Variants in ITGBL1 observed in about 807,000 individuals in gnomAD.
The protein encoded by ITGBL1 is integrin beta-like protein 1.
A neutral mutation model predicts 68.5 loss-of-function variants in ITGBL1; 51 were observed. That is an observed-to-expected ratio of 0.74 (90% CI 0.59 to 0.94). The LOEUF (loss-of-function observed/expected upper bound fraction) is 0.94, where lower values mean the gene tolerates loss of function less well. Ranked by LOEUF, ITGBL1 falls within the 40% of genes least tolerant of loss-of-function variation. The probability of loss-of-function intolerance (pLI) is 0.00; values close to 1 mark genes in which losing one functional copy is unlikely to be tolerated. For missense variants in ITGBL1, 649 were observed against 647.4 expected, an observed-to-expected ratio of 1.00 and a Z score of -0.03; for synonymous variants, 209 against 227.3, an observed-to-expected ratio of 0.92 and a Z score of 0.72.
intron 3 of ITGBL1, among the ~76,000 whole-genome samples, chr13:101,574,544 T>C (rs1019822826): frequency 3.9e-5 from 6 of 152,132 alleles, no homozygotes; most frequent in African/African-American, 1.2e-4. Flanking sequence ...TTGATTCCCG[T>C]TGGATTTTCA....
chr13:101,476,515 T>A lies in ITGBL1; in HGVS notation c.316+22415T>A, dbSNP rs550783974. ...ATAATAATATTGAATATAAATGGAC[T>A]AAACTCTCTAATCAAAAGACATGGA... On this transcript the variant is annotated intron_variant, in intron 2 of 10. Coordinates refer to ENST00000376180, the MANE Select transcript of ITGBL1 (RefSeq NM_004791.3). Among the ~76,000 whole-genome samples, 24 of 152,172 alleles carry A rather than the reference T, an allele frequency of 1.6e-4. No individual in the cohort carries two copies. The South Asian group carries it at 5.0e-3, about 32-fold the overall frequency.
chr13:101,648,532 A>C (rs984322049), intron 7 of ITGBL1, among the ~76,000 whole-genome samples: 1 of 152,206 alleles, frequency 6.6e-6, no homozygotes, highest in Non-Finnish European at 1.5e-5. Context: ...ACTTGTATTC[A>C]TCATTGTTTT....
At chr13:101,539,776 T>G (rs1023756771) in intron 2 of ITGBL1, among the ~76,000 whole-genome samples, 2 of 151,894 alleles carry the variant, frequency 1.3e-5, no homozygotes, top group African/African-American at 4.8e-5. Flanking sequence ...TCATTGTGGT[T>G]TTGATTTGCA....
At chr13:101,690,699 AATAG>A (rs1363732201) in intron 7 of ITGBL1, among the ~76,000 whole-genome samples, 1 of 152,116 alleles carries the variant, frequency 6.6e-6, no homozygotes, top group Non-Finnish European at 1.5e-5. Flanking sequence ...CAACACTACT[AATAG>A]ATAGAGAGCT....
intron 2 of ITGBL1, among the ~76,000 whole-genome samples, chr13:101,566,580 C>G (rs947705063): frequency 2.0e-5 from 3 of 152,112 alleles, no homozygotes; most frequent in African/African-American, 7.2e-5. Flanking sequence ...AAAGTCACAG[C>G]CAATCACAGA....
intron 2 of ITGBL1, among the ~76,000 whole-genome samples, chr13:101,522,756 T>G (rs577741636): frequency 1.8e-4 from 27 of 152,296 alleles, no homozygotes; most frequent in African/African-American, 6.0e-4. Flanking sequence ...TTATTTGCCT[T>G]TGATAAAAAT....
intron 2 of ITGBL1, among the ~76,000 whole-genome samples, chr13:101,505,940 A>G (rs1566706097): frequency 6.6e-6 from 1 of 152,222 alleles, no homozygotes; most frequent in Non-Finnish European, 1.5e-5. Context: ...TTGCTTCAGC[A>G]GCAGAGCACC....
chr13:101,687,719 GA>G (rs1021013461), intron 7 of ITGBL1, among the ~76,000 whole-genome samples: 12 of 152,062 alleles, frequency 7.9e-5, no homozygotes, highest in Non-Finnish European at 1.5e-4. Flanking sequence ...AACTTAATAA[GA>G]GTAGGCAGAC....
In ITGBL1 at chr13:101,585,211, T is replaced by C. The variant is rs570835538; in HGVS notation, c.868+1855T>C. On this transcript the variant is annotated intron_variant, in intron 6 of 10. Coordinates refer to ENST00000376180, the MANE Select transcript of ITGBL1 (RefSeq NM_004791.3). ...TTTCTAGTCTGAGTGTCTGGGAAAA[T>C]GTTGGTGCCATTTACTGAAATAGGG... Among the ~76,000 whole-genome samples, 6 of 152,056 alleles carry C rather than the reference T, an allele frequency of 3.9e-5. No individual in the cohort carries two copies. The East Asian group carries it at 7.7e-4, about 20-fold the overall frequency.
At chr13:101,671,447 G>GTTTTTTTTTTTTTTTTTTT (rs1313845131) in intron 7 of ITGBL1, among the ~76,000 whole-genome samples, 1 of 103,628 alleles carries the variant, frequency 9.6e-6, no homozygotes. Flanking sequence ...GTTTTTTTTT[G>GTTTTTTTTTTTTTTTTTTT]TTTTTTTTTG....
chr13:101,665,255 T>C (rs928772817), intron 7 of ITGBL1, among the ~76,000 whole-genome samples: 3 of 152,210 alleles, frequency 2.0e-5, no homozygotes, highest in Admixed American at 6.5e-5. Flanking sequence ...ATTGACAGCA[T>C]TGATGTTCTA....
intron 2 of ITGBL1, among the ~76,000 whole-genome samples, chr13:101,474,684 C>T (rs1300311946): frequency 1.3e-5 from 2 of 152,120 alleles, no homozygotes; most frequent in African/African-American, 4.8e-5. Flanking sequence ...AACAGGGGTG[C>T]TTGTGTTACC....
At chr13:101,714,701 A>T (rs2034635185) in intron 10 of ITGBL1, 150 bp downstream of exon 10, 5 of 612,872 alleles carry the variant, frequency 8.2e-6, no homozygotes, top group Non-Finnish European at 1.2e-5. Context: ...ATTTGGGAAA[A>T]AGCCCTCACA....
intron 7 of ITGBL1, among the ~76,000 whole-genome samples, chr13:101,677,135 A>C (rs1039669645): frequency 6.6e-6 from 1 of 152,174 alleles, no homozygotes; most frequent in African/African-American, 2.4e-5. Context: ...AAATATATAA[A>C]TACATAAATA....
intron 8 of ITGBL1, 125 bp from the exon 9 acceptor site, chr13:101,706,631 G>A: frequency 1.1e-6 from 1 of 894,736 alleles, no homozygotes; most frequent in Non-Finnish European, 1.7e-6. Context: ...AATTGACTAT[G>A]CATAAAGAAG....
At chr13:101,611,178 A>C (rs889667367) in intron 7 of ITGBL1, among the ~76,000 whole-genome samples, 2 of 152,192 alleles carry the variant, frequency 1.3e-5, no homozygotes, top group Non-Finnish European at 2.9e-5. Flanking sequence ...AGAGCTCTCT[A>C]TGTCATAATT....
rs190893148 is a variant in ITGBL1 at position 101,650,221 on chromosome 13, T to G, written c.1016-42364T>G. On this transcript the variant is annotated intron_variant, in intron 7 of 10. Coordinates refer to ENST00000376180, the MANE Select transcript of ITGBL1 (RefSeq NM_004791.3). ...CACCGTGGTCTTATATTTTCTCAGA[T>G]ATATACTAACAGCATTAGAAGCTGT... Among the ~76,000 whole-genome samples, 32 of 152,344 alleles carry G rather than the reference T, an allele frequency of 2.1e-4. 1 individual carries two copies. The highest frequency in any genetic ancestry group is 6.3e-4 in the African/African-American group (26 of 41,576).
At chr13:101,677,594 CT>C (rs1239903118) in intron 7 of ITGBL1, among the ~76,000 whole-genome samples, 1 of 152,090 alleles carries the variant, frequency 6.6e-6, no homozygotes, top group Non-Finnish European at 1.5e-5. Flanking sequence ...AACGACCAAC[CT>C]TTATGAAATA....
intron 7 of ITGBL1, among the ~76,000 whole-genome samples, chr13:101,684,419 A>C (rs192502597): frequency 6.8e-4 from 104 of 152,076 alleles, no homozygotes; most frequent in Non-Finnish European, 1.3e-3. Context: ...AGTTACATCG[A>C]ATCTATAGAT....
Sources: gnomAD v4.1 joint callset for allele counts (sites outside exome capture counted in the v4.1 genomes callset) on GRCh38, gnomAD v4.1.1 for gene constraint, MANE v1.5 for transcripts, NCBI Gene and HGNC (gene_info 2026-07-23, HGNC 2026-07-21) for gene names.